Variants in TMEM232 observed in about 807,000 individuals in gnomAD.
The protein encoded by TMEM232 is transmembrane protein 232.
TMEM232 carries 80 observed loss-of-function variants against 78.8 expected under a neutral mutation model. That is an observed-to-expected ratio of 1.01 (90% CI 0.85 to 1.22). The LOEUF (loss-of-function observed/expected upper bound fraction) is 1.22. Among genes scored for constraint, TMEM232 ranks in the 50% most tolerant of loss-of-function variants. TMEM232 has a pLI of 0.00. For synonymous variants in TMEM232, 297 were observed against 254.3 expected, an observed-to-expected ratio of 1.17 and a Z score of -1.60; for missense variants, 881 against 742.2, an observed-to-expected ratio of 1.19 and a Z score of -2.17.
At chr5:110,550,763 G>A (rs528843767) in intron 11 of TMEM232, among the ~76,000 whole-genome samples, 22 of 151,226 alleles carry the variant, frequency 1.5e-4, no homozygotes, top group African/African-American at 3.1e-4. Context: ...ATCAATTACC[G>A]CCAAATAGCT....
intron 1 of TMEM232, among the ~76,000 whole-genome samples, chr5:110,708,901 A>C (rs1796201973): frequency 6.6e-6 from 1 of 152,138 alleles, no homozygotes; most frequent in Non-Finnish European, 1.5e-5. Context: ...CATTGAATGT[A>C]AATGGGGTGA....
intron 2 of TMEM232, among the ~76,000 whole-genome samples, chr5:110,408,002 G>C (rs984593101): frequency 1.3e-5 from 2 of 151,744 alleles, no homozygotes; most frequent in African/African-American, 2.4e-5. Flanking sequence ...AAATAATTAC[G>C]AATGAAATTT....
intron 12 of TMEM232, among the ~76,000 whole-genome samples, chr5:110,482,715 T>C (rs1487878332): frequency 6.6e-6 from 1 of 151,468 alleles, no homozygotes; most frequent in East Asian, 1.9e-4. Context: ...TAAACATGAA[T>C]GAGTAAAAAT....
At chr5:110,689,766 T>C (rs989405577) in intron 1 of TMEM232, among the ~76,000 whole-genome samples, 3 of 152,156 alleles carry the variant, frequency 2.0e-5, no homozygotes, top group African/African-American at 7.2e-5. Context: ...CAAAACAGCA[T>C]GGTACTGGTA....
At chr5:110,671,061 G>A (rs555456175) in intron 1 of TMEM232, among the ~76,000 whole-genome samples, 25 of 152,066 alleles carry the variant, frequency 1.6e-4, no homozygotes, top group Non-Finnish European at 3.1e-4. Context: ...GCAAACCGAT[G>A]AAAGACTTCA....
chr5:110,611,983 C>T (rs1041348602), intron 8 of TMEM232, among the ~76,000 whole-genome samples: 3 of 152,066 alleles, frequency 2.0e-5, no homozygotes, highest in Non-Finnish European at 2.9e-5. Flanking sequence ...GGAAAGGACA[C>T]GACGACGTGT....
intron 1 of TMEM232, among the ~76,000 whole-genome samples, chr5:110,726,016 T>C (rs555137512): frequency 4.1e-4 from 63 of 151,954 alleles, no homozygotes; most frequent in African/African-American, 1.5e-3. Flanking sequence ...TCCTAGAAAT[T>C]TTTCTAATAG....
intron 12 of TMEM232, among the ~76,000 whole-genome samples, chr5:110,477,070 T>C (rs1425535733): frequency 1.3e-5 from 2 of 151,962 alleles, no homozygotes; most frequent in Admixed American, 1.3e-4. Flanking sequence ...ACAAGGTTTT[T>C]CAAAACAAAC....
chr5:110,518,740 G>C (rs1769056373), intron 12 of TMEM232, among the ~76,000 whole-genome samples: 1 of 152,118 alleles, frequency 6.6e-6, no homozygotes, highest in African/African-American at 2.4e-5. Flanking sequence ...AATAAAGTTT[G>C]CCTTTTGGCA....
rs141093887 is a variant in TMEM232 at position 110,661,364 on chromosome 5, T to G, written c.125+5864A>C. 8.5e-5 allele frequency among the ~76,000 whole-genome samples: 13 copies of G among 152,268 alleles called. No individual in the cohort carries two copies. In the East Asian group the frequency reaches 1.9e-3, roughly 23 times the overall value. ...TCTTGCTCTGTGGCCCAGGCTGAAGTGCAGTGGTGCAATCTTTGCTCACGG... is the reference window on the plus strand; with the variant it reads ...TCTTGCTCTGTGGCCCAGGCTGAAGGGCAGTGGTGCAATCTTTGCTCACGG... On this transcript the variant is annotated intron_variant, in intron 2 of 13. Coordinates refer to ENST00000455884, the MANE Select transcript of TMEM232 (RefSeq NM_001039763.4).
At chr5:110,577,749 T>TC (rs1777730703) in intron 10 of TMEM232, among the ~76,000 whole-genome samples, 1 of 152,096 alleles carries the variant, frequency 6.6e-6, no homozygotes, top group South Asian at 2.1e-4. Context: ...AAGGCCATTA[T>TC]CCTTAGAAAC....
At chr5:110,450,752 A>G (rs2112822168) in intron 12 of TMEM232, among the ~76,000 whole-genome samples, 2 of 152,268 alleles carry the variant, frequency 1.3e-5, no homozygotes, top group South Asian at 4.1e-4. Flanking sequence ...TTCTTGGGGC[A>G]GAGATTGCAA....
intron 12 of TMEM232, among the ~76,000 whole-genome samples, chr5:110,522,136 A>T (rs921283256): frequency 3.9e-5 from 6 of 152,094 alleles, no homozygotes; most frequent in African/African-American, 1.4e-4. Flanking sequence ...AGTCTTTTAC[A>T]TCCTTATTTA....
At chr5:110,663,769 G>GTA (rs1457049643) in intron 2 of TMEM232, among the ~76,000 whole-genome samples, 43 of 150,786 alleles carry the variant, frequency 2.9e-4, no homozygotes, top group African/African-American at 9.8e-4. Context: ...GTGTGTGTGT[G>GTA]TGTGTATATA....
intron 3 of TMEM232, among the ~76,000 whole-genome samples, chr5:110,641,548 C>T (rs973301206): frequency 6.6e-6 from 1 of 152,128 alleles, no homozygotes; most frequent in Non-Finnish European, 1.5e-5. Context: ...TCTGCATACA[C>T]ACTTATCAAA....
intron 4 of TMEM232, among the ~76,000 whole-genome samples, chr5:110,640,142 T>C (rs1456257943): frequency 6.6e-6 from 1 of 152,186 alleles, no homozygotes; most frequent in East Asian, 1.9e-4. Flanking sequence ...AGTGTTTACC[T>C]CAATATCATT....
intron 10 of TMEM232, among the ~76,000 whole-genome samples, chr5:110,596,670 T>C (rs1282824322): frequency 3.9e-5 from 6 of 152,064 alleles, no homozygotes; most frequent in Non-Finnish European, 7.4e-5. Context: ...TCCACCATGA[T>C]CAAGTGGGCT....
intron 8 of TMEM232, chr5:110,617,810 A>G (rs1783128907): frequency 1.9e-5 from 2 of 106,922 alleles, no homozygotes; most frequent in South Asian, 6.6e-4. Context: ...TAAAAAATCA[A>G]CAAACAAACA....
intron 2 of TMEM232, among the ~76,000 whole-genome samples, chr5:110,644,419 A>G (rs1057352856): frequency 6.6e-6 from 1 of 151,918 alleles, no homozygotes; most frequent in Non-Finnish European, 1.5e-5. Flanking sequence ...GCTGTTTTTA[A>G]TAACCCAAAC....
Sources: gnomAD v4.1 joint callset for allele counts (sites outside exome capture counted in the v4.1 genomes callset) on GRCh38, gnomAD v4.1.1 for gene constraint, MANE v1.5 for transcripts, NCBI Gene and HGNC (gene_info 2026-07-23, HGNC 2026-07-21) for gene names.